The following GAN variants were observed in gnomAD, a reference collection of about 807,000 sequenced individuals.
GAN encodes epididymis secretory sperm binding protein.
A neutral mutation model predicts 71.3 loss-of-function variants in GAN; 48 were observed. That is an observed-to-expected ratio of 0.67 (90% CI 0.53 to 0.86). The LOEUF (loss-of-function observed/expected upper bound fraction) is 0.86, where lower values mean the gene tolerates loss of function less well. GAN is among the 40% of genes least tolerant of loss of function. GAN has a pLI of 0.00. For synonymous variants in GAN, 386 were observed against 276.8 expected, an observed-to-expected ratio of 1.39 and a Z score of -3.92; for missense variants, 928 against 770.1, an observed-to-expected ratio of 1.21 and a Z score of -2.43.
chr16:81,366,716 GT>G (rs1910868615), intron 9 of GAN, among the ~76,000 whole-genome samples: 1 of 152,140 alleles, frequency 6.6e-6, no homozygotes, highest in Admixed American at 6.5e-5. Flanking sequence ...TTAGAGAGCA[GT>G]TTAGAGAATA....
intron 9 of GAN, among the ~76,000 whole-genome samples, chr16:81,367,730 A>G (rs919655944): frequency 6.6e-5 from 10 of 152,228 alleles, no homozygotes; most frequent in Admixed American, 2.6e-4. Flanking sequence ...TCTGAAGCGC[A>G]TGTAGGTACT....
At chr16:81,335,812 GT>G (rs1172638371) in intron 1 of GAN, among the ~76,000 whole-genome samples, 1 of 150,028 alleles carries the variant, frequency 6.7e-6, no homozygotes, top group African/African-American at 2.5e-5. Flanking sequence ...GAGGAAAAAA[GT>G]TTTTTTGGTG....
chr16:81,320,143 G>A (rs1909178771), intron 1 of GAN, among the ~76,000 whole-genome samples: 1 of 152,106 alleles, frequency 6.6e-6, no homozygotes, highest in East Asian at 1.9e-4. Context: ...AGCCTGTTTT[G>A]CCATTTAAAT....
intron 1 of GAN, among the ~76,000 whole-genome samples, chr16:81,349,899 G>A (rs1189764163): frequency 6.6e-6 from 1 of 152,070 alleles, no homozygotes; most frequent in Non-Finnish European, 1.5e-5. Flanking sequence ...ATTTAACAGA[G>A]TTATAATTCA....
intron 9 of GAN, among the ~76,000 whole-genome samples, chr16:81,376,666 G>GTATATATGTGTC (rs1393257775): frequency 7.4e-5 from 11 of 149,198 alleles, no homozygotes; most frequent in Non-Finnish European, 1.6e-4. Context: ...ATATATGTGT[G>GTATATATGTGTC]TATATACATA....
At chr16:81,351,733 G>A (rs748736329) in intron 2 of GAN, 36 bp downstream of exon 2, 1 of 956,070 alleles carries the variant, frequency 1.0e-6, no homozygotes, top group Non-Finnish European at 1.7e-6. Context: ...GACCTAAGTA[G>A]AGGCTTCTCA....
chr16:81,342,464 A>C (rs1246888746), intron 1 of GAN, among the ~76,000 whole-genome samples: 2 of 152,276 alleles, frequency 1.3e-5, no homozygotes, highest in South Asian at 4.1e-4. Flanking sequence ...ATTAGAATTC[A>C]GGATTCAGAC....
rs1904290745 is a variant in GAN at position 81,378,737 on chromosome 16, A to C, written c.*1141A>C. The C allele has an allele frequency of 6.6e-6, 1 of 152,600 alleles. No homozygotes were observed. The highest frequency in any genetic ancestry group is 2.4e-5 in the African/African-American group (1 of 41,438). The allele number at this position is 152,600 out of a possible 1,614,324, so 9.5% of individuals were successfully genotyped here. On this transcript the variant is annotated 3_prime_UTR_variant, in exon 11 of 11. Coordinates refer to ENST00000648994, the MANE Select transcript of GAN (RefSeq NM_022041.4). The stretch of plus-strand genomic sequence containing the variant: ...TAAAGTTTGGCTGGTAGAATAAACT[A>C]CCTCAACTTAATTTCATTCTGTTCA...
chr16:81,379,282 T>C lies in GAN; in HGVS notation c.*1686T>C, dbSNP rs1322466107. 6.6e-6 allele frequency: 1 copy of C among 152,178 alleles called. No homozygotes were observed. Among genetic ancestry groups the C allele is most frequent in the African/African-American group, 2.4e-5 (1 of 41,434 alleles). The allele number at this position is 152,178 out of a possible 1,614,324, so 9.4% of individuals were successfully genotyped here. A position where few individuals can be genotyped will look rare whatever the true frequency, so the allele number is the denominator to read the frequency against. On this transcript the variant is annotated 3_prime_UTR_variant, in exon 11 of 11. Transcript: ENST00000648994. ...TTATACCTGCTGGAAGTCAGTACAATGCGTCAAAAGTTGCTGAAAGATGCT... is the reference window on the plus strand; with the variant it reads ...TTATACCTGCTGGAAGTCAGTACAACGCGTCAAAAGTTGCTGAAAGATGCT...
Position 81,354,895 on chromosome 16 carries a change from A to T in GAN, c.633+140A>T. 3 of 634,844 alleles carry T rather than the reference A, an allele frequency of 4.7e-6. No homozygotes were observed. In the South Asian group the frequency reaches 5.7e-5, roughly 12 times the overall value. The allele number at this position is 634,844 out of a possible 1,614,324, so 39.3% of individuals were successfully genotyped here. ...AGATACCTGTAAAACATGTTCCCCT[A>T]TATCATGAAAGCAGTTGGTTTTTCA... On this transcript the variant is annotated intron_variant, in intron 3 of 10. Coordinates refer to ENST00000648994, the MANE Select transcript of GAN (RefSeq NM_022041.4).
rs1904381053 is a variant in GAN, at chr16:81,385,729, T to TA, written c.*8134dup. 6.6e-6 allele frequency: 1 copy of TA among 151,980 alleles called. No homozygotes were observed. Among genetic ancestry groups the TA allele is most frequent in the Non-Finnish European group, 1.5e-5 (1 of 68,050 alleles). The allele number at this position is 151,980 out of a possible 1,614,324, so 9.4% of individuals were successfully genotyped here. Reference sequence around the variant, plus strand: ...CATTCTCACGTCTGCTGCCACATGATATACAAGTAAATGTATTAGAAGTTG... The same window carrying TA: ...CATTCTCACGTCTGCTGCCACATGATAATACAAGTAAATGTATTAGAAGTTG... On this transcript the variant is annotated 3_prime_UTR_variant, in exon 11 of 11. Transcript: ENST00000648994.
chr16:81,349,191 C>G (rs368329326), intron 1 of GAN, among the ~76,000 whole-genome samples: 1 of 152,070 alleles, frequency 6.6e-6, no homozygotes, highest in Non-Finnish European at 1.5e-5. Flanking sequence ...CACCCCCTGC[C>G]CCACCCCGAC....
chr16:81,351,777 A>G (rs1910308668), intron 2 of GAN, 80 bp downstream of exon 2: 2 of 782,260 alleles, frequency 2.6e-6, no homozygotes, highest in Admixed American at 3.4e-5. Context: ...CATCCATTAT[A>G]TGACAAAGTA....
intron 9 of GAN, among the ~76,000 whole-genome samples, chr16:81,370,057 A>C (rs1415874059): frequency 1.3e-5 from 2 of 152,202 alleles, no homozygotes; most frequent in Non-Finnish European, 2.9e-5. Flanking sequence ...ACCAATTTGC[A>C]AGGGTCACCA....
intron 1 of GAN, among the ~76,000 whole-genome samples, chr16:81,338,205 G>A (rs1366152808): frequency 1.3e-5 from 2 of 152,070 alleles, no homozygotes; most frequent in African/African-American, 4.8e-5. Context: ...TTTTTAGAGT[G>A]TTATAAAATT....
chr16:81,330,004 G>T (rs912349364), intron 1 of GAN, among the ~76,000 whole-genome samples: 12 of 152,186 alleles, frequency 7.9e-5, no homozygotes, highest in African/African-American at 2.7e-4. Context: ...AATCTAGGAG[G>T]CAGCAGAGAT....
intron 1 of GAN, among the ~76,000 whole-genome samples, chr16:81,349,758 G>A (rs1910238150): frequency 6.6e-6 from 1 of 152,222 alleles, no homozygotes; most frequent in Admixed American, 6.5e-5. Context: ...TGCAAATAAT[G>A]AGTTTAAATA....
chr16:81,324,620 C>T (rs904695555), intron 1 of GAN, among the ~76,000 whole-genome samples: 1 of 151,902 alleles, frequency 6.6e-6, no homozygotes, highest in Non-Finnish European at 1.5e-5. Flanking sequence ...ATTTAGACTG[C>T]TTCCAAAGAA....
In GAN at chr16:81,390,011, G is replaced by A. The variant is rs1904517195; in HGVS notation, c.*12415G>A. The A allele has an allele frequency of 6.6e-6, 1 of 152,058 alleles. No homozygotes were observed. Among genetic ancestry groups the A allele is most frequent in the African/African-American group, 2.4e-5 (1 of 41,370 alleles). The allele number at this position is 152,058 out of a possible 1,614,324, so 9.4% of individuals were successfully genotyped here. On this transcript the variant is annotated 3_prime_UTR_variant, in exon 11 of 11. Transcript: ENST00000648994. ...CAGAATAGTATTTCTTTTAAATCCTGCAACTTTATTATCTAGTAGAATTCC... is the reference window on the plus strand; with the variant it reads ...CAGAATAGTATTTCTTTTAAATCCTACAACTTTATTATCTAGTAGAATTCC...
Sources: gnomAD v4.1 joint callset for allele counts (sites outside exome capture counted in the v4.1 genomes callset) on GRCh38, gnomAD v4.1.1 for gene constraint, MANE v1.5 for transcripts, NCBI Gene and HGNC (gene_info 2026-07-23, HGNC 2026-07-21) for gene names.